Variants in THSD4 observed in about 807,000 individuals in gnomAD.
THSD4 encodes thrombospondin type-1 domain-containing protein 4.
Under a neutral mutation model 119.0 loss-of-function variants are expected in THSD4, and 69 were observed. The observed-to-expected ratio is 0.58, with a 90% CI of 0.48 to 0.71. THSD4 has a LOEUF of 0.71. Among genes scored for constraint, THSD4 ranks in the 30% least tolerant of loss-of-function variants. THSD4 has a pLI of 0.00. For synonymous variants in THSD4, 524 were observed against 540.4 expected, an observed-to-expected ratio of 0.97 and a Z score of 0.42; for missense variants, 1,393 against 1,391.1, an observed-to-expected ratio of 1.00 and a Z score of -0.02.
chr15:71,470,083 A>G (rs2047553192), intron 7 of THSD4, among the ~76,000 whole-genome samples: 1 of 152,266 alleles, frequency 6.6e-6, no homozygotes, highest in South Asian at 2.1e-4. Flanking sequence ...TCACATGTTC[A>G]GGCAATAAGT....
chr15:71,429,967 T>A (rs954053997), intron 7 of THSD4, among the ~76,000 whole-genome samples: 1 of 152,200 alleles, frequency 6.6e-6, no homozygotes, highest in Admixed American at 6.5e-5. Flanking sequence ...CATTAATGTC[T>A]GAGGTGGTCT....
At chr15:71,125,291 A>AT (rs373259837) in intron 1 of THSD4, among the ~76,000 whole-genome samples, 51 of 152,154 alleles carry the variant, frequency 3.4e-4, no homozygotes, top group Non-Finnish European at 4.3e-4. Flanking sequence ...TCTAGCTGGA[A>AT]TTTTTTTATT....
chr15:71,403,653 C>T (rs2046568868), intron 6 of THSD4, among the ~76,000 whole-genome samples: 1 of 152,214 alleles, frequency 6.6e-6, no homozygotes, highest in African/African-American at 2.4e-5. Context: ...AGTGAGCAAC[C>T]TTGAGGGGTA....
intron 1 of THSD4, among the ~76,000 whole-genome samples, chr15:71,126,429 G>A (rs530636264): frequency 6.6e-6 from 1 of 152,342 alleles, no homozygotes; most frequent in African/African-American, 2.4e-5. Flanking sequence ...TTCCCACGTG[G>A]CCATCATGTT....
chr15:71,687,768 A>G (rs1292856235), intron 8 of THSD4, among the ~76,000 whole-genome samples: 1 of 39,850 alleles, frequency 2.5e-5, no homozygotes, highest in African/African-American at 5.4e-5. Context: ...AAAAAAAAAA[A>G]AAAACAAACC....
At chr15:71,443,596 C>CAA (rs919542570) in intron 7 of THSD4, among the ~76,000 whole-genome samples, 84 of 152,212 alleles carry the variant, frequency 5.5e-4, no homozygotes, top group African/African-American at 2.0e-3. Flanking sequence ...CAAAACAAAA[C>CAA]AAAAAACACA....
At chr15:71,128,645 C>T (rs1011644716) in intron 1 of THSD4, among the ~76,000 whole-genome samples, 1 of 152,028 alleles carries the variant, frequency 6.6e-6, no homozygotes, top group Non-Finnish European at 1.5e-5. Flanking sequence ...GAAAACTTCC[C>T]AAATTGAGCA....
chr15:71,735,079 TAC>T (rs368349893), intron 10 of THSD4, among the ~76,000 whole-genome samples: 188 of 148,492 alleles, frequency 1.3e-3, no homozygotes, highest in Admixed American at 1.7e-3. Context: ...GCTTGGGGGT[TAC>T]ACACACACAC....
intron 1 of THSD4, among the ~76,000 whole-genome samples, chr15:71,132,981 T>C (rs1187645425): frequency 6.6e-6 from 1 of 152,194 alleles, no homozygotes; most frequent in Non-Finnish European, 1.5e-5. Context: ...TGGAGAATAT[T>C]GGTTTTTGGA....
intron 15 of THSD4, among the ~76,000 whole-genome samples, chr15:71,763,657 C>G (rs561110936): frequency 1.3e-5 from 2 of 151,894 alleles, no homozygotes; most frequent in South Asian, 4.2e-4. Flanking sequence ...CAGTGATTAT[C>G]TTGCCTCAGC....
At chr15:71,176,175 T>G (rs1483418256) in intron 3 of THSD4, among the ~76,000 whole-genome samples, 1 of 144,810 alleles carries the variant, frequency 6.9e-6, no homozygotes, top group East Asian at 2.0e-4. Context: ...ATTCTGCAAT[T>G]AAAAGACACA....
intron 7 of THSD4, among the ~76,000 whole-genome samples, chr15:71,497,706 G>A (rs962354155): frequency 6.6e-6 from 1 of 152,094 alleles, no homozygotes; most frequent in Non-Finnish European, 1.5e-5. Flanking sequence ...CCAAGCTAGC[G>A]TCACCGTGTT....
intron 6 of THSD4, among the ~76,000 whole-genome samples, chr15:71,391,780 G>A (rs781730213): frequency 3.9e-5 from 6 of 152,086 alleles, no homozygotes; most frequent in African/African-American, 7.2e-5. Context: ...TGCAGGAGAC[G>A]ATGGCCTCTC....
intron 7 of THSD4, among the ~76,000 whole-genome samples, chr15:71,575,926 G>C (rs536021225): frequency 5.3e-5 from 8 of 152,168 alleles, no homozygotes; most frequent in Non-Finnish European, 1.2e-4. Flanking sequence ...TCTCAATGCC[G>C]TTTGCACTGG....
chr15:71,391,950 G>A (rs1353959369), intron 6 of THSD4, among the ~76,000 whole-genome samples: 3 of 152,180 alleles, frequency 2.0e-5, no homozygotes. Flanking sequence ...TGGCTACTGA[G>A]CAGCTGGAGT....
At chr15:71,303,165 A>G (rs911357887) in intron 6 of THSD4, among the ~76,000 whole-genome samples, 2 of 151,850 alleles carry the variant, frequency 1.3e-5, no homozygotes, top group Non-Finnish European at 2.9e-5. Flanking sequence ...TGTTTATACA[A>G]ACTCCCCAAG....
chr15:71,701,021 G>A (rs1012754903), intron 8 of THSD4, among the ~76,000 whole-genome samples: 10 of 152,028 alleles, frequency 6.6e-5, no homozygotes, highest in Non-Finnish European at 4.4e-5. Context: ...CATTAAAAAG[G>A]TTTACAAATC....
At position 71,321,360 on chromosome 15, in the gene THSD4, A is replaced by G. The variant is rs563410113; in HGVS notation, c.1015+64645A>G. Among the ~76,000 whole-genome samples, 3 of 152,078 alleles carry G rather than the reference A, an allele frequency of 2.0e-5. No individual in the cohort carries two copies. The South Asian group carries it at 6.2e-4, about 32-fold the overall frequency. On this transcript the variant is annotated intron_variant, in intron 6 of 17. Coordinates refer to ENST00000261862, the MANE Select transcript of THSD4 (RefSeq NM_024817.3). ...AGACCAGCCTGGCCAACATGGTAAA[A>G]CCCTGTCTCTACTAAAAATACAAAA...
At chr15:71,309,044 G>C (rs1220919951) in intron 6 of THSD4, among the ~76,000 whole-genome samples, 2 of 152,192 alleles carry the variant, frequency 1.3e-5, no homozygotes, top group Non-Finnish European at 2.9e-5. Flanking sequence ...CCGCCTCCCA[G>C]GCCCAAGTGA....
Sources: allele counts gnomAD v4.1 joint callset (sites outside exome capture counted in the v4.1 genomes callset), GRCh38; gene constraint gnomAD v4.1.1; transcripts MANE v1.5; gene names NCBI Gene and HGNC (gene_info 2026-07-23, HGNC 2026-07-21).